Variants in IQCH observed in about 807,000 individuals in gnomAD.
IQCH encodes IQ motif containing H.
Under a neutral mutation model 117.0 loss-of-function variants are expected in IQCH, and 98 were observed. The observed-to-expected ratio is 0.84, with a 90% CI of 0.71 to 0.99. The LOEUF is 0.99. Ranked by LOEUF, IQCH falls within the 50% of genes least tolerant of loss-of-function variation. The pLI, the probability that IQCH is intolerant of heterozygous loss-of-function variation, is 0.00. For synonymous variants in IQCH, 412 were observed against 448.2 expected, an observed-to-expected ratio of 0.92 and a Z score of 1.02; for missense variants, 1,102 against 1,243.8, an observed-to-expected ratio of 0.89 and a Z score of 1.72.
chr15:67,305,283 G>A (rs1967241261), intron 4 of IQCH, among the ~76,000 whole-genome samples: 1 of 152,012 alleles, frequency 6.6e-6, no homozygotes, highest in African/African-American at 2.4e-5. Context: ...TAGCATAATA[G>A]TCTCTTAGGT....
At chr15:67,272,692 CTT>C (rs1720651162) in intron 3 of IQCH, among the ~76,000 whole-genome samples, 1 of 152,182 alleles carries the variant, frequency 6.6e-6, no homozygotes. Flanking sequence ...TTCTTTGACT[CTT>C]TTTACAGTCT....
chr15:67,338,217 A>G (rs1184092575), intron 5 of IQCH, among the ~76,000 whole-genome samples: 2 of 132,554 alleles, frequency 1.5e-5, no homozygotes, highest in South Asian at 2.4e-4. Flanking sequence ...CTATCTATCT[A>G]TCTATCTATC....
rs1022182442 is a variant in IQCH at position 67,395,659 on chromosome 15, A to G, written c.1905+96A>G. On this transcript the variant is annotated intron_variant, in intron 13 of 20. Transcript: ENST00000335894. The surrounding 1 kb of genome is among the most constrained non-coding windows in gnomAD (Gnocchi z 4.0). ...AGTCTTCTGGAGCCAGACCTACCCA[A>G]TGAAGAATAGGTGGAATATTTGAGT... The G allele has an allele frequency of 2.6e-5, 26 of 988,130 alleles. No individual in the cohort carries two copies. The highest frequency in any genetic ancestry group is 2.2e-4 in the East Asian group (9 of 41,142). The allele number at this position is 988,130 out of a possible 1,614,324, so 61.2% of individuals were successfully genotyped here. A position where few individuals can be genotyped will look rare whatever the true frequency, so the allele number is the denominator to read the frequency against.
chr15:67,267,128 A>G (rs142483618), intron 3 of IQCH, among the ~76,000 whole-genome samples: 11 of 152,346 alleles, frequency 7.2e-5, no homozygotes, highest in African/African-American at 2.4e-4. Flanking sequence ...ACGTTACCAC[A>G]TGAGGGATCG....
At chr15:67,347,278 A>G (rs1358520266) in intron 6 of IQCH, among the ~76,000 whole-genome samples, 1 of 152,082 alleles carries the variant, frequency 6.6e-6, no homozygotes, top group African/African-American at 2.4e-5. Flanking sequence ...GTAAGCCTCT[A>G]GGCAGACTAA....
intron 16 of IQCH, among the ~76,000 whole-genome samples, chr15:67,442,684 T>G (rs995400462): frequency 1.3e-5 from 2 of 152,098 alleles, no homozygotes; most frequent in South Asian, 4.1e-4. Context: ...ACTGGATATC[T>G]ACCCAGAGGA....
At chr15:67,358,164 T>TA (rs1969978930) in intron 7 of IQCH, among the ~76,000 whole-genome samples, 1 of 91,512 alleles carries the variant, frequency 1.1e-5, no homozygotes, top group Non-Finnish European at 2.5e-5. Flanking sequence ...TGGCCTTTTT[T>TA]TTTTTTTTTT....
At chr15:67,361,285 A>T (rs1404664640) in intron 8 of IQCH, among the ~76,000 whole-genome samples, 1 of 152,212 alleles carries the variant, frequency 6.6e-6, no homozygotes, top group African/African-American at 2.4e-5. Context: ...TGCAGCTAAC[A>T]TATACTGAGT....
rs965219248 is a variant in IQCH at position 67,401,944 on chromosome 15, T to C, written c.2097+1639T>C. Among the ~76,000 whole-genome samples, 1 of 152,166 alleles carries C rather than the reference T, an allele frequency of 6.6e-6. No homozygotes were observed. Among genetic ancestry groups the C allele is most frequent in the African/African-American group, 2.4e-5 (1 of 41,448 alleles). ...AAATATGGTTTTTTAATTTAAAACA[T>C]TGAAGTGTTAATGTGCAAAGTATTT... On this transcript the variant is annotated intron_variant, in intron 14 of 20. Transcript: ENST00000335894. The surrounding 1 kb of genome is among the most constrained non-coding windows in gnomAD (Gnocchi z 4.7).
In IQCH at chr15:67,466,003, C is replaced by T. The variant is rs569056428; in HGVS notation, c.2676+706C>T. 1.4e-4 allele frequency among the ~76,000 whole-genome samples: 22 copies of T among 152,296 alleles called. No individual in the cohort carries two copies. Among genetic ancestry groups the T allele is most frequent in the Non-Finnish European group, 2.8e-4 (19 of 68,032 alleles). On this transcript the variant is annotated intron_variant, in intron 17 of 20. Coordinates refer to ENST00000335894, the MANE Select transcript of IQCH (RefSeq NM_001031715.3). The surrounding 1 kb of genome is among the most constrained non-coding windows in gnomAD (Gnocchi z 4.4). ...AAAGCCAGTCTGAGCATGTTGTTCC[C>T]CTGTGTGTGATTTTGAATGGACTCC...
chr15:67,392,425 C>T (rs1454271472), intron 12 of IQCH, among the ~76,000 whole-genome samples: 2 of 152,146 alleles, frequency 1.3e-5, no homozygotes, highest in African/African-American at 2.4e-5. Context: ...TTATCACTGG[C>T]CATTGTCAAA....
rs749070080 is a variant in IQCH at position 67,344,185 on chromosome 15, A to G, written c.631A>G (p.Thr211Ala). ...TTTTGATGAAGCACGTAAGATTCCAACTGTAGGTAAGATACTCATGCATCT... is the reference window on the plus strand; with the variant it reads ...TTTTGATGAAGCACGTAAGATTCCAGCTGTAGGTAAGATACTCATGCATCT... ...HSFDEARKIP[T>A]VATFTIPREP... is the part of the protein sequence containing the mutation. The change falls in exon 6 of 21, where the codon ACT becomes GCT. Residue 211 changes from threonine (T) to alanine (A), a missense_variant. Thr to Ala is a moderately conservative substitution (Grantham distance 58). Coordinates refer to ENST00000335894, the MANE Select transcript of IQCH (RefSeq NM_001031715.3). 9.3e-6 allele frequency: 15 copies of G among 1,613,068 alleles called. No homozygotes were observed. Among genetic ancestry groups the G allele is most frequent in the African/African-American group, 2.7e-5 (2 of 74,812 alleles).
In IQCH at chr15:67,292,171, A is replaced by G. The variant is rs185684988; in HGVS notation, c.387+12659A>G. 2.6e-5 allele frequency among the ~76,000 whole-genome samples: 4 copies of G among 152,276 alleles called. No individual in the cohort carries two copies. In the East Asian group the frequency reaches 7.7e-4, roughly 29 times the overall value. On this transcript the variant is annotated intron_variant, in intron 4 of 20. Coordinates refer to ENST00000335894, the MANE Select transcript of IQCH (RefSeq NM_001031715.3). The stretch of plus-strand genomic sequence containing the variant: ...ACTGGGAAGCAGGCCCTCACCAAAC[A>G]CTGAATCTACCAGTGTCTTGATCTT...
At chr15:67,321,346 C>T (rs1325522073) in intron 4 of IQCH, among the ~76,000 whole-genome samples, 1 of 152,198 alleles carries the variant, frequency 6.6e-6, no homozygotes, top group Non-Finnish European at 1.5e-5. Flanking sequence ...GTCACTGCTG[C>T]TGCTAGAACT....
chr15:67,292,811 T>C (rs1370669199), intron 4 of IQCH, among the ~76,000 whole-genome samples: 1 of 152,238 alleles, frequency 6.6e-6, no homozygotes, highest in East Asian at 1.9e-4. Flanking sequence ...AATTCTTGAA[T>C]ATAATAAATT....
chr15:67,462,795 A>C (rs1169774884), intron 16 of IQCH, among the ~76,000 whole-genome samples: 1 of 152,190 alleles, frequency 6.6e-6, no homozygotes, highest in Non-Finnish European at 1.5e-5. Flanking sequence ...GAAAAAAAAA[A>C]GTCTGACCTG....
chr15:67,465,066 TG>T lies in IQCH; in HGVS notation c.2506-57del. On this transcript the variant is annotated intron_variant, in intron 16 of 20. Transcript: ENST00000335894. This position sits in a 1 kb window ranked among gnomAD's most constrained non-coding sequence, Gnocchi z 5.9. ...GTAGTTTGGTCTGGTTAGGCAGAGG[TG>T]GGGCCTTCGCTGCTGTTTGCTGATT... 1 of 1,549,632 alleles carries T rather than the reference TG, an allele frequency of 6.5e-7. No individual in the cohort carries two copies. The highest frequency in any genetic ancestry group is 8.8e-7 in the Non-Finnish European group (1 of 1,131,502).
chr15:67,267,688 T>C (rs1965732861), intron 3 of IQCH, among the ~76,000 whole-genome samples: 5 of 152,202 alleles, frequency 3.3e-5, no homozygotes, highest in Non-Finnish European at 1.5e-5. Context: ...GGGAGGCATA[T>C]AATGACTGCA....
In IQCH at chr15:67,422,347, A is replaced by C. The variant is rs2140921681; in HGVS notation, c.2505+770A>C. On this transcript the variant is annotated intron_variant, in intron 16 of 20. Coordinates refer to ENST00000335894, the MANE Select transcript of IQCH (RefSeq NM_001031715.3). The surrounding 1 kb of genome is among the most constrained non-coding windows in gnomAD (Gnocchi z 4.7). ...ATTGTCTCATTTTTTTCTTTAAAAA[A>C]CGTACTGAGAGATACCTCATAAATA... 6.6e-6 allele frequency among the ~76,000 whole-genome samples: 1 copy of C among 152,228 alleles called. No homozygotes were observed. Among genetic ancestry groups the C allele is most frequent in the Admixed American group, 6.5e-5 (1 of 15,294 alleles).
Sources: allele counts gnomAD v4.1 joint callset (sites outside exome capture counted in the v4.1 genomes callset), GRCh38; gene constraint gnomAD v4.1.1; non-coding constraint Gnocchi (gnomAD v3.1); transcripts MANE v1.5; gene names NCBI Gene and HGNC (gene_info 2026-07-23, HGNC 2026-07-21).